The following PPP4R2 variants were observed in gnomAD, a reference collection of about 807,000 sequenced individuals.
PPP4R2 encodes serine/threonine-protein phosphatase 4 regulatory subunit 2.
PPP4R2 carries 13 observed loss-of-function variants against 47.2 expected under a neutral mutation model. The ratio of observed to expected loss-of-function variants is 0.28; its 90% confidence interval spans 0.18 to 0.44. PPP4R2 has a LOEUF of 0.44. Ranked by LOEUF, PPP4R2 falls within the 20% of genes least tolerant of loss-of-function variation. The pLI, the probability that PPP4R2 is intolerant of heterozygous loss-of-function variation, is 1.00. For missense variants in PPP4R2, 421 were observed against 491.2 expected (o/e 0.86, Z 1.35); for synonymous variants, 151 against 163.3 (o/e 0.92, Z 0.57).
chr3:73,047,397 G>A, intron 3 of PPP4R2, 41 bp downstream of exon 3: 2 of 1,331,200 alleles, frequency 1.5e-6, no homozygotes, highest in Non-Finnish European at 2.1e-6. Flanking sequence ...ATTTTTAGCA[G>A]AAGATGAATA....
intron 3 of PPP4R2, among the ~76,000 whole-genome samples, chr3:73,054,067 T>A (rs1192278660): frequency 1.3e-5 from 2 of 152,086 alleles, no homozygotes; most frequent in Admixed American, 1.3e-4. Context: ...CAGGCATGCA[T>A]CAACCATGCC....
intron 5 of PPP4R2, chr3:73,062,076 CTAA>C (rs769194264): frequency 3.3e-5 from 50 of 1,528,470 alleles, no homozygotes; most frequent in Non-Finnish European, 1.9e-5. Flanking sequence ...GTCATAGCGA[CTAA>C]TAATGGGTTA....
intron 3 of PPP4R2, among the ~76,000 whole-genome samples, chr3:73,048,291 C>T (rs960283868): frequency 8.5e-5 from 13 of 152,214 alleles, no homozygotes; most frequent in Non-Finnish European, 1.9e-4. Flanking sequence ...GTCTCGCTGT[C>T]ACCCAGGGTG....
At chr3:73,042,995 C>T (rs539214545) in intron 2 of PPP4R2, among the ~76,000 whole-genome samples, 20 of 152,142 alleles carry the variant, frequency 1.3e-4, no homozygotes, top group Admixed American at 3.3e-4. Flanking sequence ...CATTAATGTG[C>T]TTTTTTTGGA....
intron 5 of PPP4R2, chr3:73,062,058 AGAGTCAAGTCATAGC>A: frequency 6.8e-7 from 1 of 1,478,780 alleles, no homozygotes; most frequent in East Asian, 2.5e-5. Context: ...AAAGAAGTGC[AGAGTCAAGTCATAGC>A]GACTAATAAT....
At position 73,067,888 on chromosome 3, in the gene PPP4R2, A is replaced by G. The variant is rs1331874704; in HGVS notation, c.*2166A>G. On this transcript the variant is annotated 3_prime_UTR_variant, in exon 9 of 9. Transcript: ENST00000356692. ...TACCAAAATGACATCACTTAACTCTATGAGAGATCTGCATTTTAATCTATA... is the reference window on the plus strand; with the variant it reads ...TACCAAAATGACATCACTTAACTCTGTGAGAGATCTGCATTTTAATCTATA... 1.3e-5 allele frequency: 2 copies of G among 152,338 alleles called. No homozygotes were observed. Among genetic ancestry groups the G allele is most frequent in the East Asian group, 3.9e-4 (2 of 5,188 alleles). The allele number at this position is 152,338 out of a possible 1,614,324, so 9.4% of individuals were successfully genotyped here.
At chr3:73,050,135 T>G (rs1288542947) in intron 3 of PPP4R2, among the ~76,000 whole-genome samples, 1 of 152,042 alleles carries the variant, frequency 6.6e-6, no homozygotes, top group Non-Finnish European at 1.5e-5. Context: ...TTTATTTGTT[T>G]TGTAGTTTTA....
intron 5 of PPP4R2, chr3:73,062,073 C>T (rs757618676): frequency 2.2e-5 from 34 of 1,519,400 alleles, no homozygotes; most frequent in Middle Eastern, 2.3e-4. Flanking sequence ...CAAGTCATAG[C>T]GACTAATAAT....
In PPP4R2 at chr3:73,052,781, A is replaced by G. The variant is rs146297325; in HGVS notation, c.287+5425A>G. ...GGCAGTCGGCCTCCTCACTCTGTGA[A>G]TAGTAAACTAAAATAGTGTTCCTAT... On this transcript the variant is annotated intron_variant, in intron 3 of 8. Transcript: ENST00000356692. Among the ~76,000 whole-genome samples the G allele has an allele frequency of 2.6e-3, 392 of 152,334 alleles. 2 individuals carry two copies. The highest frequency in any genetic ancestry group is 9.0e-3 in the African/African-American group (375 of 41,570).
intron 2 of PPP4R2, among the ~76,000 whole-genome samples, chr3:73,015,668 C>T (rs1450418423): frequency 2.8e-5 from 4 of 143,024 alleles, no homozygotes; most frequent in East Asian, 4.2e-4. Flanking sequence ...GACGGAGTTT[C>T]GCTGTGTCGC....
At chr3:73,000,461 C>G (rs1289490656) in intron 2 of PPP4R2, among the ~76,000 whole-genome samples, 3 of 152,114 alleles carry the variant, frequency 2.0e-5, no homozygotes, top group African/African-American at 7.2e-5. Flanking sequence ...GCTTAGTTTT[C>G]TTTTCAAAAG....
rs2231921 is a variant in PPP4R2 at position 73,061,807 on chromosome 3, C to T, written c.419+747C>T. 2,846 of 350,566 alleles carry T rather than the reference C, an allele frequency of 8.1e-3. 11 individuals carry two copies. Among genetic ancestry groups the T allele is most frequent in the Non-Finnish European group, 0.011 (2,140 of 190,954 alleles). 21.7% of individuals were successfully genotyped at this position (350,566 alleles called of 1,614,324 possible). Reference sequence around the variant, plus strand: ...TGCAGCCTTAAACTCTAGTGATCCTCCCGCCTTGGCCTTCCAAAGTGCTGA... The same window carrying T: ...TGCAGCCTTAAACTCTAGTGATCCTTCCGCCTTGGCCTTCCAAAGTGCTGA... On this transcript the variant is annotated intron_variant, in intron 5 of 8. Coordinates refer to ENST00000356692, the MANE Select transcript of PPP4R2 (RefSeq NM_174907.4).
At chr3:73,008,823 A>G (rs1174824397) in intron 2 of PPP4R2, among the ~76,000 whole-genome samples, 1 of 152,202 alleles carries the variant, frequency 6.6e-6, no homozygotes, top group Non-Finnish European at 1.5e-5. Context: ...ATCTTGTGGA[A>G]TGAACTCTGA....
chr3:73,065,457 A>T lies in PPP4R2; in HGVS notation c.989A>T (p.Asp330Val). Residue 330 changes from aspartate to valine, a missense_variant, in exon 9 of 9, where the codon GAT becomes GTT. Around this residue, in one of 2 missense-constraint regions of PPP4R2, gnomAD observed 317 missense variants for 287.5 expected, o/e 1.10. Coordinates refer to ENST00000356692, the MANE Select transcript of PPP4R2 (RefSeq NM_174907.4). ...PERKNQEKES[D>V]DALTVNEETS... is the part of the protein sequence containing the mutation. ...AGAAAAAATCAAGAAAAAGAATCTGATGATGCCTTAACTGTGAATGAAGAG... is the reference window on the plus strand; with the variant it reads ...AGAAAAAATCAAGAAAAAGAATCTGTTGATGCCTTAACTGTGAATGAAGAG... 2 of 1,610,840 alleles carry T rather than the reference A, an allele frequency of 1.2e-6. No homozygotes were observed. The highest frequency in any genetic ancestry group is 1.7e-6 in the Non-Finnish European group (2 of 1,179,136).
At chr3:73,018,772 C>G (rs931106551) in intron 2 of PPP4R2, among the ~76,000 whole-genome samples, 1 of 152,092 alleles carries the variant, frequency 6.6e-6, no homozygotes, top group African/African-American at 2.4e-5. Flanking sequence ...TATGGGATAC[C>G]TTCAACTTGT....
chr3:73,062,971 C>G, intron 5 of PPP4R2: 2 of 1,326,554 alleles, frequency 1.5e-6, no homozygotes, highest in Non-Finnish European at 2.1e-6. Context: ...ATGGATGGCT[C>G]CATTGCTCTA....
rs143800246 is a variant in PPP4R2 at position 73,032,315 on chromosome 3, C to A, written c.117-14871C>A. On this transcript the variant is annotated intron_variant, in intron 2 of 8. Coordinates refer to ENST00000356692, the MANE Select transcript of PPP4R2 (RefSeq NM_174907.4). ...TTTTTTTTTTTTTGAGACGGAGTCT[C>A]GCTCTGCTGCCAGGCTGGAGTGCAG... Among the ~76,000 whole-genome samples the A allele has an allele frequency of 1.4e-4, 21 of 150,576 alleles. No individual in the cohort carries two copies. The East Asian group carries it at 4.1e-3, about 29-fold the overall frequency.
intron 2 of PPP4R2, among the ~76,000 whole-genome samples, chr3:73,012,171 G>A (rs947134638): frequency 1.3e-5 from 2 of 152,130 alleles, no homozygotes; most frequent in Non-Finnish European, 2.9e-5. Context: ...CATCCTTGGT[G>A]CATCTCTAGA....
intron 3 of PPP4R2, among the ~76,000 whole-genome samples, chr3:73,051,530 G>T (rs1261177890): frequency 3.9e-5 from 6 of 152,056 alleles, no homozygotes; most frequent in African/African-American, 1.4e-4. Flanking sequence ...CTTTTAGTTT[G>T]TAAAAGTTTT....
Sources: allele counts gnomAD v4.1 joint callset (sites outside exome capture counted in the v4.1 genomes callset), GRCh38; gene constraint gnomAD v4.1.1; regional missense constraint gnomAD v4.1.1; transcripts MANE v1.5; gene names NCBI Gene and HGNC (gene_info 2026-07-23, HGNC 2026-07-21).